The following GRM4 variants were observed in gnomAD, a reference collection of about 807,000 sequenced individuals.
The protein encoded by GRM4 is metabotropic glutamate receptor 4.
In GRM4, 28 loss-of-function variants were observed where a neutral mutation model predicts 81.7. The observed-to-expected ratio is 0.34, with a 90% CI of 0.25 to 0.47. The LOEUF is 0.47. Among genes scored for constraint, GRM4 ranks in the 20% least tolerant of loss-of-function variants. The pLI is 1.00. For synonymous variants in GRM4, 488 were observed against 528.8 expected (o/e 0.92, Z 1.06); for missense variants, 948 against 1,290.0 (o/e 0.73, Z 4.06).
At chr6:34,095,252 G>A (rs1768458794) in intron 2 of GRM4, among the ~76,000 whole-genome samples, 1 of 152,138 alleles carries the variant, frequency 6.6e-6, no homozygotes, top group Admixed American at 6.5e-5. Context: ...ACAGGCTCCT[G>A]AACAGGATCC....
At chr6:34,093,474 C>T (rs541118243) in intron 2 of GRM4, among the ~76,000 whole-genome samples, 1 of 152,314 alleles carries the variant, frequency 6.6e-6, no homozygotes, top group South Asian at 2.1e-4. Context: ...GAGCTTCCTT[C>T]TAGTGGGAGG....
At chr6:34,155,083 G>C in exon 1 of GRM4, 1 of 1,517,836 alleles carries the variant, frequency 6.6e-7, no homozygotes, top group Non-Finnish European at 8.8e-7. Flanking sequence ...TTTCACCTGA[G>C]CAGATTCCGG....
chr6:34,142,773 C>T (rs965211534), intron 1 of GRM4, among the ~76,000 whole-genome samples: 3 of 152,212 alleles, frequency 2.0e-5, no homozygotes, highest in African/African-American at 4.8e-5. Flanking sequence ...AGAGAAGTCA[C>T]GCCTCCAACG....
chr6:34,031,715 C>A (rs369765429), intron 9 of GRM4, among the ~76,000 whole-genome samples: 1 of 152,318 alleles, frequency 6.6e-6, no homozygotes, highest in African/African-American at 2.4e-5. Flanking sequence ...TGGTGTTAAG[C>A]CCTGGAAATC....
intron 9 of GRM4, among the ~76,000 whole-genome samples, chr6:34,033,007 T>TG (rs1764511232): frequency 6.6e-6 from 1 of 152,168 alleles, no homozygotes; most frequent in African/African-American, 2.4e-5. Context: ...GCCAGTTTCC[T>TG]GGGGTATGGG....
At chr6:34,110,769 T>A in intron 2 of GRM4, 1 of 1,454,606 alleles carries the variant, frequency 6.9e-7, no homozygotes, top group Non-Finnish European at 9.0e-7. Flanking sequence ...GCATCAGAGA[T>A]CAAAGTGGTG....
chr6:34,022,734 C>G lies in GRM4; in HGVS notation c.*87G>C. 2 of 1,223,328 alleles carry G rather than the reference C, an allele frequency of 1.6e-6. No homozygotes were observed. Among genetic ancestry groups the G allele is most frequent in the East Asian group, 2.3e-5 (1 of 42,976 alleles). 75.8% of individuals were successfully genotyped at this position (1,223,328 alleles called of 1,614,324 possible). A position where few individuals can be genotyped will look rare whatever the true frequency, so the allele number is the denominator to read the frequency against. ...CGTGGGTGCCCACGGGCAGGCAAGA[C>G]AGCTGGGCCCTTGGGTGTGGCCCTG... On this transcript the variant is annotated 3_prime_UTR_variant, in exon 11 of 11. Coordinates refer to ENST00000538487, the MANE Select transcript of GRM4 (RefSeq NM_000841.4). This position sits in a 1 kb window ranked among gnomAD's most constrained non-coding sequence, Gnocchi z 5.6.
At chr6:34,073,432 ACAC>A (rs1581657795) in intron 3 of GRM4, among the ~76,000 whole-genome samples, 2 of 150,878 alleles carry the variant, frequency 1.3e-5, no homozygotes, top group Admixed American at 6.6e-5. Context: ...ACACACACAC[ACAC>A]CATCATACCA....
chr6:34,154,703 G>A (rs1020644019), intron 1 of GRM4, among the ~76,000 whole-genome samples: 1 of 152,200 alleles, frequency 6.6e-6, no homozygotes, highest in East Asian at 1.9e-4. Flanking sequence ...CAGACACGTG[G>A]GGGGGAGTCG....
chr6:34,138,260 G>C (rs969296402), intron 1 of GRM4, among the ~76,000 whole-genome samples: 1 of 152,116 alleles, frequency 6.6e-6, no homozygotes, highest in Non-Finnish European at 1.5e-5. Context: ...AGCCCCTTGG[G>C]GTTCAGCAAA....
At chr6:34,103,303 G>T (rs898811971) in intron 2 of GRM4, among the ~76,000 whole-genome samples, 3 of 152,202 alleles carry the variant, frequency 2.0e-5, no homozygotes, top group Non-Finnish European at 2.9e-5. Context: ...TCAGTCCCTT[G>T]TCTCACCCTT....
Position 34,035,644 on chromosome 6 carries a change from C to T in GRM4, c.2442+24G>A, listed in dbSNP as rs1764650895. 1 of 1,221,156 alleles carries T rather than the reference C, an allele frequency of 8.2e-7. No homozygotes were observed. Among genetic ancestry groups the T allele is most frequent in the Non-Finnish European group, 1.2e-6 (1 of 852,900 alleles). 75.6% of individuals were successfully genotyped at this position (1,221,156 alleles called of 1,614,324 possible). ...CTCACTGCCCTCACCTACCCACCGTCCACCCCCGGCCCCCACCACTCACCT... is the reference window on the plus strand; with the variant it reads ...CTCACTGCCCTCACCTACCCACCGTTCACCCCCGGCCCCCACCACTCACCT... On this transcript the variant is annotated intron_variant, in intron 9 of 10. Transcript: ENST00000538487. The surrounding 1 kb of genome is among the most constrained non-coding windows in gnomAD (Gnocchi z 6.6).
At chr6:34,146,301 C>T (rs1243624990), upstream of GRM4, among the ~76,000 whole-genome samples, 1 of 152,180 alleles carries the variant, frequency 6.6e-6, no homozygotes, top group East Asian at 1.9e-4. Flanking sequence ...GGGACACTTT[C>T]CACAGAGCCC....
rs1286905591 is a variant in GRM4 at position 34,111,409 on chromosome 6, CACAA to C, written c.520-19314_520-19311del. Among the ~76,000 whole-genome samples, 2 of 152,110 alleles carry C rather than the reference CACAA, an allele frequency of 1.3e-5. No homozygotes were observed. The highest frequency in any genetic ancestry group is 1.9e-4 in the East Asian group (1 of 5,202). ...CCGTGCACACACACACACACACACA[CACAA>C]ACACACACACATAGAGTCAGCACTG... On this transcript the variant is annotated intron_variant, in intron 2 of 10. Coordinates refer to ENST00000538487, the MANE Select transcript of GRM4 (RefSeq NM_000841.4). This position sits in a 1 kb window ranked among gnomAD's most constrained non-coding sequence, Gnocchi z 5.1.
intron 5 of GRM4, 118 bp from the exon 6 acceptor site, chr6:34,056,802 C>A: frequency 8.9e-7 from 1 of 1,121,192 alleles, no homozygotes; most frequent in Non-Finnish European, 1.3e-6. Context: ...CCAGGAGGAG[C>A]ACATCCTCTG....
At chr6:34,038,839 C>T (rs9394185) in intron 8 of GRM4, among the ~76,000 whole-genome samples, 55,977 of 151,694 alleles carry the variant, frequency 0.37, 13,755 homozygotes, top group African/African-American at 0.71. Context: ...CCACTGCCAC[C>T]CACACGTGCC....
rs150639920 is a variant in GRM4 at position 34,102,199 on chromosome 6, A to G, written c.520-10100T>C. The G allele has an allele frequency of 1.4e-3, 2,115 of 1,511,610 alleles. 13 individuals carry two copies. The African/African-American group carries it at 0.016, about 11-fold the overall frequency. The allele number at this position is 1,511,610 out of a possible 1,614,324, so 93.6% of individuals were successfully genotyped here. On this transcript the variant is annotated intron_variant, in intron 2 of 10. Coordinates refer to ENST00000538487, the MANE Select transcript of GRM4 (RefSeq NM_000841.4). ...AATAATAGGTCTCCCCACTTCCTGCAAAATTCACACACCAGCCTTCCTTTG... is the reference window on the plus strand; with the variant it reads ...AATAATAGGTCTCCCCACTTCCTGCGAAATTCACACACCAGCCTTCCTTTG...
chr6:34,137,284 G>C (rs538660655), intron 1 of GRM4, among the ~76,000 whole-genome samples: 2 of 152,374 alleles, frequency 1.3e-5, no homozygotes, highest in African/African-American at 4.8e-5. Flanking sequence ...TGGTTCCAGG[G>C]GAGGACAGAG....
intron 3 of GRM4, among the ~76,000 whole-genome samples, chr6:34,085,822 G>A (rs558355281): frequency 1.2e-4 from 18 of 152,312 alleles, no homozygotes; most frequent in African/African-American, 4.1e-4. Context: ...TGGAGAGTAG[G>A]ACGGAGGCAG....
Sources: allele counts gnomAD v4.1 joint callset (sites outside exome capture counted in the v4.1 genomes callset), GRCh38; gene constraint gnomAD v4.1.1; non-coding constraint Gnocchi (gnomAD v3.1); transcripts MANE v1.5; gene names NCBI Gene and HGNC (gene_info 2026-07-23, HGNC 2026-07-21).